Variants in CRB1 observed in about 807,000 individuals in gnomAD.
The protein encoded by CRB1 is crumbs cell polarity complex component 1.
In CRB1, 83 loss-of-function variants were observed where a neutral mutation model predicts 120.0. That is an observed-to-expected ratio of 0.69 (90% CI 0.58 to 0.83). CRB1 has a LOEUF of 0.83. CRB1 is among the 40% of genes least tolerant of loss of function. The probability of loss-of-function intolerance (pLI) is 0.00; values close to 1 mark genes in which losing one functional copy is unlikely to be tolerated. For missense variants in CRB1, 1,699 were observed against 1,687.6 expected (o/e 1.01, Z -0.12); for synonymous variants, 625 against 612.5 (o/e 1.02, Z -0.30).
At chr1:197,271,625 T>A (rs1307713090) in intron 1 of CRB1, among the ~76,000 whole-genome samples, 2 of 152,220 alleles carry the variant, frequency 1.3e-5, no homozygotes, top group African/African-American at 4.8e-5. Flanking sequence ...TATTATTTTT[T>A]GCTTCTGATG....
Position 197,438,677 on chromosome 1 carries a change from T to G in CRB1, c.3878+2T>G. ...CCGGCCAGGTTTTACTGGAGAATGG[T>G]GAGTCACATTAGAGCCTTCTGGAAG... On this transcript the variant is annotated splice_donor_variant, in intron 10 of 11. Transcript: ENST00000367400. LOFTEE classifies it high-confidence loss of function. 6.2e-7 allele frequency: 1 copy of G among 1,611,680 alleles called. No homozygotes were observed. The highest frequency in any genetic ancestry group is 8.5e-7 in the Non-Finnish European group (1 of 1,178,202).
At chr1:197,402,142 A>T (rs1157061320) in intron 5 of CRB1, among the ~76,000 whole-genome samples, 1 of 152,088 alleles carries the variant, frequency 6.6e-6, no homozygotes, top group Non-Finnish European at 1.5e-5. Flanking sequence ...TTATTTTGTC[A>T]TGCAGGTGCT....
chr1:197,234,863 A>T, the CRB1 span, among the ~76,000 whole-genome samples: 1 of 152,276 alleles, frequency 6.6e-6, no homozygotes, highest in Non-Finnish European at 1.5e-5. Flanking sequence ...CAATTAGGCC[A>T]GATAATTACA....
chr1:197,326,511 A>T (rs7526780), intron 1 of CRB1, among the ~76,000 whole-genome samples: 24,113 of 151,890 alleles, frequency 0.16, 2,167 homozygotes, highest in Middle Eastern at 0.24. Context: ...GGCTTCTGTC[A>T]TCCCAGCTCT....
intron 11 of CRB1, among the ~76,000 whole-genome samples, chr1:197,476,679 TAAACTCTCTA>T (rs1667212844): frequency 6.6e-6 from 1 of 152,126 alleles, no homozygotes; most frequent in Non-Finnish European, 1.5e-5. Context: ...AAAAGATATT[TAAACTCTCTA>T]GGATGTTAAA....
At chr1:197,224,034 G>A in the CRB1 span, among the ~76,000 whole-genome samples, 1 of 152,052 alleles carries the variant, frequency 6.6e-6, no homozygotes, top group Admixed American at 6.5e-5. Context: ...AATATTAAGT[G>A]GAAGTGGATG....
intron 11 of CRB1, among the ~76,000 whole-genome samples, chr1:197,457,457 T>C (rs1478110729): frequency 6.6e-6 from 1 of 152,098 alleles, no homozygotes; most frequent in African/African-American, 2.4e-5. Flanking sequence ...TCTGCATCTA[T>C]TACCAATTAG....
the CRB1 span, among the ~76,000 whole-genome samples, chr1:197,227,762 G>T: frequency 6.6e-6 from 1 of 152,074 alleles, no homozygotes; most frequent in Non-Finnish European, 1.5e-5. Flanking sequence ...CTGTGTGGGG[G>T]CTCCAACCCC....
At chr1:197,279,169 G>A (rs1420330609) in intron 1 of CRB1, among the ~76,000 whole-genome samples, 1 of 151,846 alleles carries the variant, frequency 6.6e-6, no homozygotes, top group Non-Finnish European at 1.5e-5. Flanking sequence ...TGTAGATTAG[G>A]AATTCCTATT....
chr1:197,322,435 C>A (rs1658255071), intron 1 of CRB1, among the ~76,000 whole-genome samples: 1 of 151,500 alleles, frequency 6.6e-6, no homozygotes, highest in Non-Finnish European at 1.5e-5. Context: ...TGCACTCCAG[C>A]CTGGGTGACA....
intron 11 of CRB1, among the ~76,000 whole-genome samples, chr1:197,454,011 G>A (rs1363714065): frequency 7.0e-6 from 1 of 143,420 alleles, no homozygotes; most frequent in Non-Finnish European, 1.5e-5. Flanking sequence ...TATTTGTAGA[G>A]ATGAGGTCTC....
the CRB1 span, among the ~76,000 whole-genome samples, chr1:197,253,228 C>G: frequency 1.3e-5 from 2 of 152,182 alleles, no homozygotes; most frequent in Non-Finnish European, 1.5e-5. Context: ...GCTGATTCCG[C>G]AGATAAGTAC....
chr1:197,412,976 C>G (rs948933782), intron 5 of CRB1, among the ~76,000 whole-genome samples: 7 of 152,092 alleles, frequency 4.6e-5, no homozygotes, highest in Non-Finnish European at 1.0e-4. Flanking sequence ...GCACTAATGA[C>G]TATTTCATGA....
At chr1:197,457,809 T>G (rs1233678522) in intron 11 of CRB1, among the ~76,000 whole-genome samples, 1 of 152,142 alleles carries the variant, frequency 6.6e-6, no homozygotes, top group Non-Finnish European at 1.5e-5. Context: ...GATTGTTTAT[T>G]TGCTACCAAA....
the CRB1 span, among the ~76,000 whole-genome samples, chr1:197,204,561 G>A: frequency 1.3e-5 from 2 of 151,774 alleles, no homozygotes; most frequent in African/African-American, 4.8e-5. Context: ...TATGTTTGTT[G>A]GCCATTTGTA....
chr1:197,325,055 A>G (rs1571841183), intron 1 of CRB1, among the ~76,000 whole-genome samples: 1 of 152,224 alleles, frequency 6.6e-6, no homozygotes, highest in Non-Finnish European at 1.5e-5. Flanking sequence ...AAGAGGTCAA[A>G]GTAAGAATTT....
Position 197,347,447 on chromosome 1 carries a change from G to C in CRB1, c.956G>C (p.Ser319Thr). 1 of 1,614,176 alleles carries C rather than the reference G, an allele frequency of 6.2e-7. No homozygotes were observed. The highest frequency in any genetic ancestry group is 1.3e-5 in the African/African-American group (1 of 75,064). Residue 319 changes from serine to threonine, a missense_variant, in exon 4 of 12, where the codon AGT (serine) becomes ACT (threonine). Physicochemically the swap from Ser to Thr is moderately conservative, Grantham distance 58. Coordinates refer to ENST00000367400, the MANE Select transcript of CRB1 (RefSeq NM_201253.3). ...CACAATAATGCTACATGTGAGGACA[G>C]TGTTGACAATTACACTTGTCACTGC... ...PCHNNATCED[S>T]VDNYTCHCWP... is the part of the protein sequence containing the mutation.
chr1:197,285,493 C>T (rs959685210), intron 1 of CRB1, among the ~76,000 whole-genome samples: 4 of 151,914 alleles, frequency 2.6e-5, no homozygotes, highest in African/African-American at 9.7e-5. Context: ...TAAAGCCTCT[C>T]TGCCTTGCCA....
At chr1:197,344,510 G>A in intron 3 of CRB1, 34 bp downstream of exon 3, 1 of 1,588,630 alleles carries the variant, frequency 6.3e-7, no homozygotes, top group African/African-American at 1.3e-5. Flanking sequence ...GATTGGCTTA[G>A]AACTCCCTGA....
Sources: gnomAD v4.1 joint callset for allele counts (sites outside exome capture counted in the v4.1 genomes callset) on GRCh38, gnomAD v4.1.1 for gene constraint, MANE v1.5 for transcripts, NCBI Gene and HGNC (gene_info 2026-07-23, HGNC 2026-07-21) for gene names.